Variants in VASH2 observed in about 807,000 individuals in gnomAD.
The protein encoded by VASH2 is vasohibin 2.
In VASH2, 28 loss-of-function variants were observed where a neutral mutation model predicts 37.2. That is an observed-to-expected ratio of 0.75 (90% confidence interval 0.56 to 1.03). VASH2 has a LOEUF of 1.03. Ranked by LOEUF, VASH2 falls within the 50% of genes least tolerant of loss-of-function variation. VASH2 has a pLI of 0.00. For synonymous variants in VASH2, 188 were observed against 174.7 expected (o/e 1.08, Z -0.60); for missense variants, 419 against 459.1 (o/e 0.91, Z 0.80).
chr1:212,961,628 G>T (rs1268593625), intron 3 of VASH2, among the ~76,000 whole-genome samples: 1 of 152,082 alleles, frequency 6.6e-6, no homozygotes, highest in Non-Finnish European at 1.5e-5. Context: ...TTTGACATGA[G>T]GACTTGCTTT....
Position 212,965,783 on chromosome 1 carries a change from G to A in VASH2, c.422+5G>A. The A allele has an allele frequency of 6.4e-7, 1 of 1,551,876 alleles. No individual in the cohort carries two copies. The highest frequency in any genetic ancestry group is 8.7e-7 in the Non-Finnish European group (1 of 1,146,682). ...GAAAATGAGACCGCTGAGTGGGTAA[G>A]TGGTGCATGATCTATGGGCCAGATG... is the stretch of plus-strand genomic sequence containing the variant. On this transcript the variant is annotated splice_donor_5th_base_variant and intron_variant, in intron 4 of 7. Transcript: ENST00000517399.
intron 2 of VASH2, among the ~76,000 whole-genome samples, chr1:212,955,489 G>A (rs1666462045): frequency 6.6e-6 from 1 of 152,216 alleles, no homozygotes; most frequent in South Asian, 2.1e-4. Context: ...GAGTCAGTTG[G>A]AGGATAATAG....
At chr1:212,973,334 C>T in intron 6 of VASH2, 2 of 1,232,690 alleles carry the variant, frequency 1.6e-6, no homozygotes, top group Non-Finnish European at 2.1e-6. Context: ...TATATGCTGG[C>T]CTTATATAGA....
intron 7 of VASH2, among the ~76,000 whole-genome samples, chr1:212,985,124 C>T (rs1466374379): frequency 2.0e-5 from 3 of 151,214 alleles, no homozygotes; most frequent in Non-Finnish European, 2.9e-5. Flanking sequence ...TAGGTTCAAG[C>T]GATCCTCCCA....
intron 5 of VASH2, chr1:212,969,013 C>T (rs1019158833): frequency 3.0e-6 from 3 of 985,408 alleles, no homozygotes; most frequent in Non-Finnish European, 3.6e-6. Context: ...TGGGGATAGA[C>T]CCAGGAACAG....
At position 212,972,707 on chromosome 1, in the gene VASH2, A is replaced by G. The variant is rs1667045258; in HGVS notation, c.625A>G (p.Met209Val). 1 of 1,614,228 alleles carries G rather than the reference A, an allele frequency of 6.2e-7. No individual in the cohort carries two copies. Among genetic ancestry groups the G allele is most frequent in the South Asian group, 1.1e-5 (1 of 91,080 alleles). ...CAATGGCCGCTATGGCTCATTGGGC[A>G]TGAGCCGCAGGGCTGAGCTGATGGA... ...YCNGRYGSLG[M>V]SRRAELMDKP... is the part of the protein sequence containing the mutation. The change falls in exon 6 of 8, where the codon ATG (methionine) becomes GTG (valine). Residue 209 changes from methionine to valine, a missense_variant. By Grantham distance (21) the Met-to-Val change is conservative (BLOSUM62 1). Transcript: ENST00000517399.
intron 5 of VASH2, chr1:212,967,036 C>T (rs1023724977): frequency 6.6e-5 from 79 of 1,203,582 alleles, no homozygotes; most frequent in Non-Finnish European, 7.8e-5. Flanking sequence ...GGAGCCATCG[C>T]GCCTGGCTCG....
chr1:212,958,710 A>C (rs749852421), intron 2 of VASH2, among the ~76,000 whole-genome samples: 2 of 152,010 alleles, frequency 1.3e-5, no homozygotes, highest in African/African-American at 4.8e-5. Context: ...TCTGTGCAGA[A>C]ATGTTTATGT....
At chr1:212,987,499 G>C (rs1408410270) in intron 7 of VASH2, among the ~76,000 whole-genome samples, 1 of 152,100 alleles carries the variant, frequency 6.6e-6, no homozygotes, top group Non-Finnish European at 1.5e-5. Flanking sequence ...ACTTGAACTG[G>C]GGAGGCAGAG....
At chr1:212,986,757 A>C (rs1206913498) in intron 7 of VASH2, among the ~76,000 whole-genome samples, 4 of 152,076 alleles carry the variant, frequency 2.6e-5, no homozygotes, top group Non-Finnish European at 5.9e-5. Flanking sequence ...CTACACACTG[A>C]AGTGTAGGGA....
At chr1:212,987,455 T>A (rs1197531060) in intron 7 of VASH2, among the ~76,000 whole-genome samples, 1 of 152,110 alleles carries the variant, frequency 6.6e-6, no homozygotes, top group Non-Finnish European at 1.5e-5. Flanking sequence ...ATGCCTGTAA[T>A]CCCAGCTACT....
intron 2 of VASH2, among the ~76,000 whole-genome samples, chr1:212,960,586 C>T (rs540938198): frequency 2.0e-5 from 3 of 152,326 alleles, no homozygotes; most frequent in South Asian, 4.1e-4. Context: ...GATGGGGTTT[C>T]ACCATGTTGC....
Position 212,966,316 on chromosome 1 carries a change from C to G in VASH2, c.468C>G (p.Ile156Met). ...AKEMTRESLP[I>M]KCLEAVILGI... ...AAATGACCCGAGAGTCCTTGCCTAT[C>G]AAATGCCTTGAAGCTGTCATCCTGG... Residue 156 changes from isoleucine to methionine, a missense_variant, in exon 5 of 8, where the codon ATC (isoleucine) becomes ATG (methionine). Transcript: ENST00000517399. 1 of 1,551,742 alleles carries G rather than the reference C, an allele frequency of 6.4e-7. No individual in the cohort carries two copies. The highest frequency in any genetic ancestry group is 8.7e-7 in the Non-Finnish European group (1 of 1,147,004).
chr1:212,958,995 C>T (rs1666583904), intron 2 of VASH2, among the ~76,000 whole-genome samples: 1 of 152,148 alleles, frequency 6.6e-6, no homozygotes, highest in African/African-American at 2.4e-5. Context: ...TCCCAAAGCG[C>T]TGGGATTACA....
At chr1:212,958,896 T>A (rs1046116297) in intron 2 of VASH2, among the ~76,000 whole-genome samples, 1 of 151,900 alleles carries the variant, frequency 6.6e-6, no homozygotes, top group Non-Finnish European at 1.5e-5. Flanking sequence ...TTTCTTTCTT[T>A]CTTTCTTTTT....
chr1:212,968,650 G>T (rs1048612343), intron 5 of VASH2: 5 of 985,498 alleles, frequency 5.1e-6, no homozygotes, highest in Non-Finnish European at 6.0e-6. Context: ...ATGTGCCTGG[G>T]GAACCCAGCA....
intron 7 of VASH2, among the ~76,000 whole-genome samples, chr1:212,976,152 C>T (rs374821254): frequency 1.3e-5 from 2 of 152,004 alleles, no homozygotes; most frequent in Non-Finnish European, 2.9e-5. Context: ...GGTGCATCTT[C>T]GGCATTGGGG....
intron 2 of VASH2, among the ~76,000 whole-genome samples, chr1:212,960,323 G>A (rs74140535): frequency 1.3e-5 from 2 of 151,678 alleles, no homozygotes; most frequent in Non-Finnish European, 2.9e-5. Flanking sequence ...AGACTAGGAA[G>A]TGAGTGTGTT....
At position 212,988,803 on chromosome 1, in the gene VASH2, G is replaced by A; in HGVS notation, c.*219G>A. 3 of 554,244 alleles carry A rather than the reference G, an allele frequency of 5.4e-6. No individual in the cohort carries two copies. The highest frequency in any genetic ancestry group is 9.7e-6 in the Non-Finnish European group (3 of 309,192). The allele number at this position is 554,244 out of a possible 1,614,324, so 34.3% of individuals were successfully genotyped here. On this transcript the variant is annotated 3_prime_UTR_variant, in exon 8 of 8. Transcript: ENST00000517399. ...TGAAGTAATAAGCCCCACTGGGGTT[G>A]GACTATGTCCCTCACTCAAGATCTT...
Sources: allele counts gnomAD v4.1 joint callset (sites outside exome capture counted in the v4.1 genomes callset), GRCh38; gene constraint gnomAD v4.1.1; transcripts MANE v1.5; gene names NCBI Gene and HGNC (gene_info 2026-07-23, HGNC 2026-07-21).